The following TAS2R19 variants were observed in gnomAD, a reference collection of about 807,000 sequenced individuals.
TAS2R19 encodes taste receptor type 2 member 19.
For missense variants in TAS2R19, 336 were observed against 342.4 expected (o/e 0.98, Z 0.15); for synonymous variants, 108 against 123.4 (o/e 0.87, Z 0.83).
Position 11,022,162 on chromosome 12 carries a change from A to G in TAS2R19, c.410T>C (p.Leu137Ser). 6.2e-7 allele frequency: 1 copy of G among 1,613,972 alleles called. No homozygotes were observed. The highest frequency in any genetic ancestry group is 8.5e-7 in the Non-Finnish European group (1 of 1,179,870). Residue 137 changes from leucine to serine, a missense_variant, in exon 1 of 1, where the codon TTG becomes TCG. Coordinates refer to ENST00000390673, the MANE Select transcript of TAS2R19 (RefSeq NM_176888.2). ...AGCAAGATTACAAATCAGAAATACC[A>G]AGGGCCCCAACAGTATCACCAGAAC... is the stretch of plus-strand genomic sequence containing the variant. Reference protein sequence around the residue: ...SVVLVILLGPLVFLICNLAVI... With the variant: ...SVVLVILLGPSVFLICNLAVI...
chr12:11,022,282 C>T, the TAS2R19 span: 1 of 1,614,140 alleles, frequency 6.2e-7, no homozygotes. Flanking sequence ...AGCAGCAAGC[C>T]ACATGCTGAA....
Position 11,021,905 on chromosome 12 carries a change from C to T in TAS2R19, c.667G>A (p.Val223Ile). 1 of 1,614,174 alleles carries T rather than the reference C, an allele frequency of 6.2e-7. No individual in the cohort carries two copies. The part of the protein sequence containing the change: ...SKGSQDPSTK[V>I]HIKALQTVTS... ...ACAGTTTGCAAAGCTTTTATATGGACCTTGGTGCTGGGATCTTGAGATCCT... is the reference window on the plus strand; with the variant it reads ...ACAGTTTGCAAAGCTTTTATATGGATCTTGGTGCTGGGATCTTGAGATCCT... Residue 223 changes from valine to isoleucine, a missense_variant, in exon 1 of 1, where the codon GTC becomes ATC. Val to Ile is a conservative substitution (Grantham distance 29, BLOSUM62 3). Coordinates refer to ENST00000390673, the MANE Select transcript of TAS2R19 (RefSeq NM_176888.2).
rs935058031 is a variant in TAS2R19 at position 11,022,403 on chromosome 12, C to T, written c.169G>A (p.Gly57Ser). 20 of 1,613,556 alleles carry T rather than the reference C, an allele frequency of 1.2e-5. No homozygotes were observed. The highest frequency in any genetic ancestry group is 1.6e-5 in the Non-Finnish European group (19 of 1,179,818). The change falls in exon 1 of 1, where the codon GGT (glycine) becomes AGT (serine). Residue 57 changes from glycine to serine, a missense_variant. Coordinates refer to ENST00000390673, the MANE Select transcript of TAS2R19 (RefSeq NM_176888.2). The part of the protein sequence containing the change: ...ILTALVVSRI[G>S]LLWVMLFLWY... Reference sequence around the variant, plus strand: ...AGGAATAACATGACCCAGAGTAAACCAATTCTGGAGACCACCAGAGCAGTG... The same window carrying T: ...AGGAATAACATGACCCAGAGTAAACTAATTCTGGAGACCACCAGAGCAGTG...
Position 11,021,689 on chromosome 12 carries a change from A to C in TAS2R19, c.883T>G (p.Trp295Gly), listed in dbSNP as rs1339049777. 5.6e-6 allele frequency: 9 copies of C among 1,610,740 alleles called. No individual in the cohort carries two copies. The East Asian group carries it at 1.8e-4, about 32-fold the overall frequency. The change falls in exon 1 of 1, where the codon TGG becomes GGG. Residue 295 changes from tryptophan to glycine, a missense_variant. Trp to Gly is a radical substitution (Grantham distance 184, BLOSUM62 -2). Transcript: ENST00000390673. Reference sequence around the variant, plus strand: ...TCTTTCACTCAGCGTGTCATCTGCCACAAAACTGAAAGAAAGGTCTGTTTT... The same window carrying C: ...TCTTTCACTCAGCGTGTCATCTGCCCCAAAACTGAAAGAAAGGTCTGTTTT... ...KLKQTFLSVL[W>G]QMTR
chr12:11,021,943 C>A lies in TAS2R19; in HGVS notation c.629G>T (p.Arg210Leu), dbSNP rs529522791. 2.0e-6 allele frequency: 3 copies of A among 1,537,894 alleles called. No individual in the cohort carries two copies. Among genetic ancestry groups the A allele is most frequent in the Non-Finnish European group, 2.6e-6 (3 of 1,142,206 alleles). The change falls in exon 1 of 1, where the codon CGG (arginine) becomes CTG (leucine). Residue 210 changes from arginine (R) to leucine (L), a missense_variant. Physicochemically the swap from Arg to Leu is moderately radical, Grantham distance 102. Transcript: ENST00000390673. ...CSLCKHLKKMRLHSKGSQDPS... is the reference protein window; with the variant it reads ...CSLCKHLKKMLLHSKGSQDPS... ...ATCTTGAGATCCTTTGCTATGGAGC[C>A]GCATCTTCTTGAGATGTTTACAAAG...
At position 11,021,883 on chromosome 12, in the gene TAS2R19, G is replaced by A. The variant is rs1941657073; in HGVS notation, c.689C>T (p.Thr230Ile). The stretch of plus-strand genomic sequence containing the variant: ...AAATAACATGAGGAAGGAGGTCACA[G>A]TTTGCAAAGCTTTTATATGGACCTT... ...STKVHIKALQ[T>I]VTSFLMLFAI... Residue 230 changes from threonine (T) to isoleucine (I), a missense_variant, in exon 1 of 1, where the codon ACT (threonine) becomes ATT (isoleucine). Coordinates refer to ENST00000390673, the MANE Select transcript of TAS2R19 (RefSeq NM_176888.2). 2 of 1,614,110 alleles carry A rather than the reference G, an allele frequency of 1.2e-6. No individual in the cohort carries two copies. The highest frequency in any genetic ancestry group is 2.7e-5 in the African/African-American group (2 of 74,948).
At position 11,021,924 on chromosome 12, in the gene TAS2R19, A is replaced by T; in HGVS notation, c.648T>A (p.Ser216=). The T allele has an allele frequency of 6.2e-7, 1 of 1,614,234 alleles. No individual in the cohort carries two copies. Among genetic ancestry groups the T allele is most frequent in the Non-Finnish European group, 8.5e-7 (1 of 1,180,024 alleles). ...LKKMRLHSKG[S]QDPSTKVHIK... Reference sequence around the variant, plus strand: ...TATGGACCTTGGTGCTGGGATCTTGAGATCCTTTGCTATGGAGCCGCATCT... The same window carrying T: ...TATGGACCTTGGTGCTGGGATCTTGTGATCCTTTGCTATGGAGCCGCATCT... The change falls in exon 1 of 1, where the codon TCT becomes TCA. Residue 216 remains serine, a synonymous_variant. Transcript: ENST00000390673.
chr12:11,022,088 C>T lies in TAS2R19; in HGVS notation c.484G>A (p.Val162Met), dbSNP rs759798918. The T allele has an allele frequency of 4.7e-5, 76 of 1,613,818 alleles. No homozygotes were observed. Among genetic ancestry groups the T allele is most frequent in the Non-Finnish European group, 6.4e-5 (75 of 1,179,856 alleles). The change falls in exon 1 of 1, where the codon GTG (valine) becomes ATG (methionine). Residue 162 changes from valine (V) to methionine (M), a missense_variant. Coordinates refer to ENST00000390673, the MANE Select transcript of TAS2R19 (RefSeq NM_176888.2). ...TTCCTCAATTTGATCTTCCAAGTCA[C>T]ATTTCCTTCATATTCTTTTGTCCAC... ...RVWTKEYEGN[V>M]TWKIKLRNAI...
chr12:11,022,180 A>G lies in TAS2R19; in HGVS notation c.392T>C (p.Val131Ala), dbSNP rs766986683. ...LKKRIKSVVLVILLGPLVFLI... is the reference protein window; with the variant it reads ...LKKRIKSVVLAILLGPLVFLI... ...AAATACCAAGGGCCCCAACAGTATC[A>G]CCAGAACAACACTCTTAATTCTCTT... The change falls in exon 1 of 1, where the codon GTG becomes GCG. Residue 131 changes from valine to alanine, a missense_variant. Coordinates refer to ENST00000390673, the MANE Select transcript of TAS2R19 (RefSeq NM_176888.2). 5.0e-6 allele frequency: 8 copies of G among 1,613,950 alleles called. No homozygotes were observed. The East Asian group carries it at 1.6e-4, about 31-fold the overall frequency.
rs1328000430 is a variant in TAS2R19, at chr12:11,021,802, C to T, written c.770G>A (p.Ser257Asn). The change falls in exon 1 of 1, where the codon AGC becomes AAC. Residue 257 changes from serine to asparagine, a missense_variant. Ser to Asn is a conservative substitution (Grantham distance 46). Transcript: ENST00000390673. ...TTGGCAAAGCAGGAGTACAAGTTTG[C>T]TCTGCTGTGTCCTAAGATTCCAAGT... is the stretch of plus-strand genomic sequence containing the variant. ...TSTWNLRTQQ[S>N]KLVLLLCQTV... 1.2e-6 allele frequency: 2 copies of T among 1,614,130 alleles called. No homozygotes were observed. The highest frequency in any genetic ancestry group is 1.3e-5 in the African/African-American group (1 of 74,950).
At position 11,021,746 on chromosome 12, in the gene TAS2R19, A is replaced by G; in HGVS notation, c.826T>C (p.Ser276Pro). ...CTACTTCCCATAATCAGGATGAATG[A>G]GTGGAATGAAGGATACATGATTGCA... ...TVAIMYPSFH[S>P]FILIMGSRKL... Residue 276 changes from serine to proline, a missense_variant, in exon 1 of 1, where the codon TCA becomes CCA. Physicochemically the swap from Ser to Pro is moderately conservative, Grantham distance 74 (BLOSUM62 -1). Transcript: ENST00000390673. 1 of 1,614,126 alleles carries G rather than the reference A, an allele frequency of 6.2e-7. No homozygotes were observed. The highest frequency in any genetic ancestry group is 1.3e-5 in the African/African-American group (1 of 75,078).
chr12:11,022,479 A>G lies in TAS2R19; in HGVS notation c.93T>C (p.Asn31=), dbSNP rs374453824. 4.6e-5 allele frequency: 74 copies of G among 1,613,708 alleles called. No individual in the cohort carries two copies. Among genetic ancestry groups the G allele is most frequent in the Non-Finnish European group, 6.2e-5 (73 of 1,179,658 alleles). The change falls in exon 1 of 1, where the codon AAT becomes AAC. Residue 31 remains asparagine, a synonymous_variant. Transcript: ENST00000390673. ...TTCGTGTGTTAACCCAGTCAATGAC[A>G]TTTACTAGGGCTATGAAGCCATTGG... ...NVANGFIALV[N]VIDWVNTRKI...
Position 11,021,666 on chromosome 12 carries a change from T to G in TAS2R19, c.*6A>C. On this transcript the variant is annotated 3_prime_UTR_variant, in exon 1 of 1. Transcript: ENST00000390673. ...TCTATGGAGTTGAGGGTTTCTCTTCTTTCACTCAGCGTGTCATCTGCCACA... is the reference window on the plus strand; with the variant it reads ...TCTATGGAGTTGAGGGTTTCTCTTCGTTCACTCAGCGTGTCATCTGCCACA... The G allele has an allele frequency of 1.1e-5, 18 of 1,604,828 alleles. No homozygotes were observed. The highest frequency in any genetic ancestry group is 1.4e-5 in the Non-Finnish European group (17 of 1,173,112).
chr12:11,021,762 C>A lies in TAS2R19; in HGVS notation c.810G>T (p.Met270Ile), dbSNP rs753694713. The A allele has an allele frequency of 6.2e-7, 1 of 1,614,038 alleles. No individual in the cohort carries two copies. The highest frequency in any genetic ancestry group is 1.3e-5 in the African/African-American group (1 of 74,944). ...VLLLCQTVAIMYPSFHSFILI... is the reference protein window; with the variant it reads ...VLLLCQTVAIIYPSFHSFILI... ...GGATGAATGAGTGGAATGAAGGATA[C>A]ATGATTGCAACAGTTTGGCAAAGCA... The change falls in exon 1 of 1, where the codon ATG (methionine) becomes ATT (isoleucine). Residue 270 changes from methionine (M) to isoleucine (I), a missense_variant. Physicochemically the swap from Met to Ile is conservative, Grantham distance 10 (BLOSUM62 1). Transcript: ENST00000390673.
Position 11,021,863 on chromosome 12 carries a change from A to C in TAS2R19, c.709T>G (p.Leu237Val). ...ATACACAGAAAGTAAATGGCAAATA[A>C]CATGAGGAAGGAGGTCACAGTTTGC... Reference protein sequence around the residue: ...ALQTVTSFLMLFAIYFLCIIT... With the variant: ...ALQTVTSFLMVFAIYFLCIIT... The change falls in exon 1 of 1, where the codon TTA becomes GTA. Residue 237 changes from leucine (L) to valine (V), a missense_variant. Physicochemically the swap from Leu to Val is conservative, Grantham distance 32. Transcript: ENST00000390673. 2 of 1,614,270 alleles carry C rather than the reference A, an allele frequency of 1.2e-6. No homozygotes were observed. Among genetic ancestry groups the C allele is most frequent in the Non-Finnish European group, 1.7e-6 (2 of 1,180,038 alleles).
Position 11,021,715 on chromosome 12 carries a change from A to C in TAS2R19, c.857T>G (p.Leu286Arg). 1 of 1,614,020 alleles carries C rather than the reference A, an allele frequency of 6.2e-7. No homozygotes were observed. Among genetic ancestry groups the C allele is most frequent in the South Asian group, 1.1e-5 (1 of 91,074 alleles). Residue 286 changes from leucine to arginine, a missense_variant, in exon 1 of 1, where the codon CTA (leucine) becomes CGA (arginine). Leu to Arg is a moderately radical substitution (Grantham distance 102, BLOSUM62 -2). Coordinates refer to ENST00000390673, the MANE Select transcript of TAS2R19 (RefSeq NM_176888.2). ...CAAAACTGAAAGAAAGGTCTGTTTT[A>C]GCTTCCTACTTCCCATAATCAGGAT... Reference protein sequence around the residue: ...SFILIMGSRKLKQTFLSVLWQ... With the variant: ...SFILIMGSRKRKQTFLSVLWQ...
In TAS2R19 at chr12:11,021,689, A is replaced by T; in HGVS notation, c.883T>A (p.Trp295Arg). The change falls in exon 1 of 1, where the codon TGG becomes AGG. Residue 295 changes from tryptophan to arginine, a missense_variant. Coordinates refer to ENST00000390673, the MANE Select transcript of TAS2R19 (RefSeq NM_176888.2). ...KLKQTFLSVL[W>R]QMTR ...TCTTTCACTCAGCGTGTCATCTGCCACAAAACTGAAAGAAAGGTCTGTTTT... is the reference window on the plus strand; with the variant it reads ...TCTTTCACTCAGCGTGTCATCTGCCTCAAAACTGAAAGAAAGGTCTGTTTT... 6.2e-7 allele frequency: 1 copy of T among 1,610,858 alleles called. No homozygotes were observed. Among genetic ancestry groups the T allele is most frequent in the South Asian group, 1.1e-5 (1 of 90,994 alleles).
the TAS2R19 span, chr12:11,021,978 T>TAA: frequency 6.2e-7 from 1 of 1,603,260 alleles, no homozygotes; most frequent in Non-Finnish European, 8.5e-7. Context: ...GAGAACAGAT[T>TAA]AACAGCAGAA....
In TAS2R19 at chr12:11,022,244, T is replaced by A. The variant is rs1354270253; in HGVS notation, c.328A>T (p.Ile110Phe). The A allele has an allele frequency of 6.2e-7, 1 of 1,614,180 alleles. No individual in the cohort carries two copies. Among genetic ancestry groups the A allele is most frequent in the South Asian group, 1.1e-5 (1 of 91,084 alleles). Residue 110 changes from isoleucine (I) to phenylalanine (F), a missense_variant, in exon 1 of 1, where the codon ATT becomes TTT. Physicochemically the swap from Ile to Phe is conservative, Grantham distance 21 (BLOSUM62 0). Transcript: ENST00000390673. ...GAAATAAGGTTGGAGAAATTGGCAA[T>A]CTTGAGCAAACAAAATATGCTGAGG... ...ASLSIFCLLK[I>F]ANFSNLISLH...
Sources: gnomAD v4.1 joint callset for allele counts on GRCh38, gnomAD v4.1.1 for gene constraint, MANE v1.5 for transcripts, NCBI Gene and HGNC (gene_info 2026-07-23, HGNC 2026-07-21) for gene names.